The following ZNF469 variants were observed in gnomAD, a reference collection of about 807,000 sequenced individuals.
ZNF469 encodes zinc finger protein 469.
ZNF469 carries 1 observed loss-of-function variant against 1.0 expected under a neutral mutation model. The ratio of observed to expected loss-of-function variants is 1.00; its 90% CI spans 0.35 to 4.73. ZNF469 has a LOEUF of 4.73. Ranked by LOEUF, ZNF469 falls within the 30% of genes most tolerant of loss-of-function variation. ZNF469 has a pLI of 0.16. For missense variants in ZNF469, 6,100 were observed against 5,356.3 expected, an observed-to-expected ratio of 1.14 and a Z score of -4.33; for synonymous variants, 2,703 against 2,363.4, an observed-to-expected ratio of 1.14 and a Z score of -4.17.
chr16:88,239,147 G>C, the ZNF469 span, among the ~76,000 whole-genome samples: 1 of 151,996 alleles, frequency 6.6e-6, no homozygotes, highest in Admixed American at 6.6e-5. Context: ...GCCATGGTGC[G>C]GGTGAGGGAG....
Position 88,435,444 on chromosome 16 carries a change from T to C in ZNF469, c.7974T>C (p.Asp2658=), listed in dbSNP as rs750884042. 1.3e-4 allele frequency: 205 copies of C among 1,549,846 alleles called. No homozygotes were observed. The highest frequency in any genetic ancestry group is 1.7e-4 in the Non-Finnish European group (198 of 1,146,966). ...ILPVSADVIS[D]GRGSRPSPAM... is the part of the protein sequence containing the mutation. The stretch of plus-strand genomic sequence containing the variant: ...CAGTCTCTGCTGATGTGATTTCAGA[T>C]GGGCGCGGCTCCAGACCATCCCCTG... Residue 2658 remains aspartate, a synonymous_variant, in exon 3 of 3, where the codon GAT becomes GAC. Coordinates refer to ENST00000565624, the MANE Select transcript of ZNF469 (RefSeq NM_001367624.2).
At chr16:88,178,861 AGGCCG>A in the ZNF469 span, 1 of 144,098 alleles carries the variant, frequency 6.9e-6, no homozygotes, top group African/African-American at 2.6e-5. Context: ...CTTCACCTGG[AGGCCG>A]CCTTCACCTG....
rs923941982 is a variant in ZNF469 at position 88,428,317 on chromosome 16, G to C, written c.847G>C (p.Ala283Pro). Reference sequence around the variant, plus strand: ...GTTCCCCTTCCCGGCACTGCATGGGGCCAGCACAAAACCCTTCCCTGCGGA... The same window carrying C: ...GTTCCCCTTCCCGGCACTGCATGGGCCCAGCACAAAACCCTTCCCTGCGGA... ...FQFPFPALHG[A>P]STKPFPADVA... is the part of the protein sequence containing the mutation. Residue 283 changes from alanine to proline, a missense_variant, in exon 3 of 3, where the codon GCC becomes CCC. Transcript: ENST00000565624. The C allele has an allele frequency of 1.9e-6, 3 of 1,550,064 alleles. No individual in the cohort carries two copies. The highest frequency in any genetic ancestry group is 2.4e-5 in the South Asian group (2 of 84,066).
chr16:88,381,306 T>TCACAGAGA (rs2092524215), upstream of ZNF469, among the ~76,000 whole-genome samples: 3 of 110,838 alleles, frequency 2.7e-5, no homozygotes, highest in African/African-American at 1.1e-4. Flanking sequence ...ACACATGCAC[T>TCACAGAGA]CATGCACTCA....
Position 88,427,694 on chromosome 16 carries a change from C to T in ZNF469, c.224C>T (p.Pro75Leu). The T allele has an allele frequency of 1.3e-6, 2 of 1,532,534 alleles. No individual in the cohort carries two copies. Among genetic ancestry groups the T allele is most frequent in the African/African-American group, 2.7e-5 (2 of 72,918 alleles). The allele number at this position is 1,532,534 out of a possible 1,614,324, so 94.9% of individuals were successfully genotyped here. The change falls in exon 3 of 3, where the codon CCC (proline) becomes CTC (leucine). Residue 75 changes from proline (P) to leucine (L), a missense_variant. Physicochemically the swap from Pro to Leu is moderately conservative, Grantham distance 98 (BLOSUM62 -3). Coordinates refer to ENST00000565624, the MANE Select transcript of ZNF469 (RefSeq NM_001367624.2). ...PRQARDGELK[P>L]PSLRGQAPSS... ...CAGGCCAGGGACGGGGAGCTCAAGC[C>T]CCCATCCCTGAGAGGCCAGGCCCCG...
At position 88,427,710 on chromosome 16, in the gene ZNF469, C is replaced by G; in HGVS notation, c.240C>G (p.Gly80=). The G allele has an allele frequency of 6.5e-7, 1 of 1,533,666 alleles. No homozygotes were observed. Among genetic ancestry groups the G allele is most frequent in the Non-Finnish European group, 8.8e-7 (1 of 1,142,042 alleles). The change falls in exon 3 of 3, where the codon GGC becomes GGG. Residue 80 remains glycine (G), a synonymous_variant. Coordinates refer to ENST00000565624, the MANE Select transcript of ZNF469 (RefSeq NM_001367624.2). Reference sequence around the variant, plus strand: ...AGCTCAAGCCCCCATCCCTGAGAGGCCAGGCCCCGAGCAGCACCCCTGGGA... The same window carrying G: ...AGCTCAAGCCCCCATCCCTGAGAGGGCAGGCCCCGAGCAGCACCCCTGGGA... ...DGELKPPSLR[G]QAPSSTPGKR...
At chr16:88,137,990 G>T in the ZNF469 span, among the ~76,000 whole-genome samples, 1 of 152,272 alleles carries the variant, frequency 6.6e-6, no homozygotes, top group Non-Finnish European at 1.5e-5. Flanking sequence ...AGCCTGGAGA[G>T]TTGCTGGTGT....
chr16:88,238,410 CTAGA>C, the ZNF469 span, among the ~76,000 whole-genome samples: 1 of 152,152 alleles, frequency 6.6e-6, no homozygotes, highest in South Asian at 2.1e-4. Context: ...CGCAGAGACC[CTAGA>C]TAGATAGACC....
At chr16:88,383,545 G>A (rs1350620720) in intron 1 of ZNF469, among the ~76,000 whole-genome samples, 2 of 150,066 alleles carry the variant, frequency 1.3e-5, no homozygotes, top group Non-Finnish European at 1.5e-5. Context: ...GTCCGGCTCC[G>A]TGGGCAGTTT....
chr16:88,399,792 C>T lies in ZNF469; in HGVS notation c.-192+16538C>T, dbSNP rs892597862. 4.6e-5 allele frequency among the ~76,000 whole-genome samples: 7 copies of T among 152,356 alleles called. No individual in the cohort carries two copies. The South Asian group carries it at 8.3e-4, about 18-fold the overall frequency. ...CTCCCAGTCCTTCCTTCTCACCCAA[C>T]GCCCAATCTCGCAGGAGTGCACAGG... On this transcript the variant is annotated intron_variant, in intron 1 of 2. Transcript: ENST00000565624.
At chr16:88,328,466 C>T in the ZNF469 span, among the ~76,000 whole-genome samples, 2 of 152,154 alleles carry the variant, frequency 1.3e-5, no homozygotes, top group African/African-American at 2.4e-5. Flanking sequence ...GCATGGCTAC[C>T]GTCGAAGCTC....
At chr16:88,254,447 T>G in the ZNF469 span, among the ~76,000 whole-genome samples, 1 of 152,210 alleles carries the variant, frequency 6.6e-6, no homozygotes, top group African/African-American at 2.4e-5. Flanking sequence ...CTCCTCTAAT[T>G]GTGTTGTTCT....
upstream of ZNF469, among the ~76,000 whole-genome samples, chr16:88,381,231 C>G (rs1187978873): frequency 6.7e-6 from 1 of 150,004 alleles, no homozygotes; most frequent in East Asian, 2.0e-4. Context: ...TGCACTCACA[C>G]ACGCACTCAC....
At chr16:88,367,662 C>G in the ZNF469 span, among the ~76,000 whole-genome samples, 1 of 152,138 alleles carries the variant, frequency 6.6e-6, no homozygotes, top group Non-Finnish European at 1.5e-5. Context: ...GGAGCCAAGC[C>G]CAAGCATGCA....
At chr16:88,322,166 A>G in the ZNF469 span, among the ~76,000 whole-genome samples, 1 of 152,308 alleles carries the variant, frequency 6.6e-6, no homozygotes, top group South Asian at 2.1e-4. Flanking sequence ...CGGCCTCGGC[A>G]TCTTCTCCCA....
At chr16:88,154,049 A>G in the ZNF469 span, among the ~76,000 whole-genome samples, 1 of 152,240 alleles carries the variant, frequency 6.6e-6, no homozygotes, top group Non-Finnish European at 1.5e-5. Context: ...GGAGGTGTGA[A>G]TTAGTGTTTC....
chr16:88,265,390 G>A, the ZNF469 span, among the ~76,000 whole-genome samples: 36 of 152,186 alleles, frequency 2.4e-4, no homozygotes, highest in Admixed American at 1.9e-3. Context: ...CGAGGGCTGC[G>A]GGAGGTGCTG....
At chr16:88,330,829 T>C in the ZNF469 span, among the ~76,000 whole-genome samples, 2 of 152,218 alleles carry the variant, frequency 1.3e-5, no homozygotes, top group African/African-American at 4.8e-5. Context: ...TTCAGTCCTA[T>C]GAGCCTCATC....
chr16:88,188,435 C>G, the ZNF469 span, among the ~76,000 whole-genome samples: 1 of 152,202 alleles, frequency 6.6e-6, no homozygotes, highest in African/African-American at 2.4e-5. Flanking sequence ...CTGTGCCTGG[C>G]CTAGTGGACG....
Sources: allele counts gnomAD v4.1 joint callset (sites outside exome capture counted in the v4.1 genomes callset), GRCh38; gene constraint gnomAD v4.1.1; transcripts MANE v1.5; gene names NCBI Gene and HGNC (gene_info 2026-07-23, HGNC 2026-07-21).